Variants in IQCM observed in about 807,000 individuals in gnomAD.
IQCM encodes the protein IQ motif containing M, also known as IQ domain-containing protein M.
A neutral mutation model predicts 57.6 loss-of-function variants in IQCM; 45 were observed. That is an observed-to-expected ratio of 0.78 (90% CI 0.62 to 1.00). The LOEUF is 1.00. IQCM is among the 50% of genes least tolerant of loss of function. IQCM has a pLI of 0.00. For synonymous variants in IQCM, 148 were observed against 158.9 expected (o/e 0.93, Z 0.51); for missense variants, 468 against 511.6 (o/e 0.91, Z 0.82).
intron 12 of IQCM, among the ~76,000 whole-genome samples, chr4:149,501,944 A>C (rs1315167594): frequency 6.6e-6 from 1 of 152,118 alleles, no homozygotes. Flanking sequence ...ATTAAGAAGA[A>C]AATTCTCTAT....
intron 5 of IQCM, among the ~76,000 whole-genome samples, chr4:149,706,650 A>G (rs751283045): frequency 6.6e-6 from 1 of 152,028 alleles, no homozygotes; most frequent in Non-Finnish European, 1.5e-5. Flanking sequence ...GAGAACATAT[A>G]ATGTGAAGGT....
intron 2 of IQCM, among the ~76,000 whole-genome samples, chr4:149,761,298 A>C (rs182241019): frequency 3.0e-4 from 46 of 152,198 alleles, no homozygotes; most frequent in Admixed American, 2.8e-3. Flanking sequence ...AATAATAAAT[A>C]ATCCAAAGCC....
At chr4:149,558,968 C>T (rs1239501295) in intron 10 of IQCM, among the ~76,000 whole-genome samples, 1 of 152,160 alleles carries the variant, frequency 6.6e-6, no homozygotes, top group Non-Finnish European at 1.5e-5. Flanking sequence ...GAAAATTGGA[C>T]TCTACCTTCG....
At chr4:149,587,708 A>C (rs943717730) in intron 9 of IQCM, among the ~76,000 whole-genome samples, 5 of 151,832 alleles carry the variant, frequency 3.3e-5, no homozygotes, top group African/African-American at 9.7e-5. Flanking sequence ...GAAAAGTAAA[A>C]CTTCAGCTGG....
At chr4:149,520,122 A>G (rs533379547) in intron 12 of IQCM, among the ~76,000 whole-genome samples, 26 of 152,100 alleles carry the variant, frequency 1.7e-4, no homozygotes, top group Non-Finnish European at 3.4e-4. Context: ...AATGGTTAAC[A>G]TTTTAAAGTG....
At chr4:149,586,566 AATTTG>A (rs1446884451) in intron 9 of IQCM, among the ~76,000 whole-genome samples, 2 of 151,496 alleles carry the variant, frequency 1.3e-5, no homozygotes, top group Non-Finnish European at 3.0e-5. Flanking sequence ...GTGCTTTGTT[AATTTG>A]ATTTATTGTT....
At chr4:149,448,600 CAA>C (rs1236569290) in intron 12 of IQCM, among the ~76,000 whole-genome samples, 1 of 150,850 alleles carries the variant, frequency 6.6e-6, no homozygotes, top group Non-Finnish European at 1.5e-5. Context: ...AAATTTTAGC[CAA>C]AAAAAGAAGA....
rs181814613 is a variant in IQCM at position 149,647,521 on chromosome 4, C to T, written c.566-26277G>A. ...CATAGTAAGGTTATTATTCCACTAT[C>T]TTCAGGCTTTCATTATCACTGTTGA... On this transcript the variant is annotated intron_variant, in intron 7 of 13. Coordinates refer to ENST00000636793, the MANE Select transcript of IQCM (RefSeq NM_001363507.2). Among the ~76,000 whole-genome samples the T allele has an allele frequency of 2.1e-3, 321 of 152,162 alleles. 3 individuals are homozygous for T. Among genetic ancestry groups the T allele is most frequent in the Non-Finnish European group, 4.0e-3 (270 of 67,966 alleles).
intron 13 of IQCM, among the ~76,000 whole-genome samples, chr4:149,399,409 C>G (rs1288519736): frequency 6.6e-6 from 1 of 151,388 alleles, no homozygotes; most frequent in East Asian, 2.0e-4. Context: ...AAGAGAGACA[C>G]AAGGCCAGGA....
chr4:149,542,275 T>C (rs978465193), intron 12 of IQCM, among the ~76,000 whole-genome samples: 23 of 152,108 alleles, frequency 1.5e-4, no homozygotes, highest in Non-Finnish European at 2.9e-4. Flanking sequence ...TTGAAAATTT[T>C]AGTTTAAATA....
chr4:149,466,757 G>A (rs912691567), intron 12 of IQCM, among the ~76,000 whole-genome samples: 5 of 152,242 alleles, frequency 3.3e-5, no homozygotes, highest in Middle Eastern at 3.4e-3. Flanking sequence ...CCTTGGATTG[G>A]CTAATTTAAA....
At chr4:149,578,418 C>G (rs959576219) in intron 9 of IQCM, among the ~76,000 whole-genome samples, 8 of 151,664 alleles carry the variant, frequency 5.3e-5, no homozygotes, top group African/African-American at 1.7e-4. Flanking sequence ...ATGCCAAAGG[C>G]GTGATGAGGG....
At chr4:149,805,302 C>A (rs1180780888) in intron 2 of IQCM, among the ~76,000 whole-genome samples, 1 of 151,610 alleles carries the variant, frequency 6.6e-6, no homozygotes, top group African/African-American at 2.4e-5. Flanking sequence ...TAAATAAATC[C>A]TTTATTGGGA....
At chr4:149,361,458 C>G (rs150125429) in intron 13 of IQCM, among the ~76,000 whole-genome samples, 2 of 152,078 alleles carry the variant, frequency 1.3e-5, no homozygotes, top group Non-Finnish European at 2.9e-5. Context: ...CCTGGAGGCC[C>G]AGGAGGAAAA....
At chr4:149,791,658 A>G (rs1198778878) in intron 2 of IQCM, among the ~76,000 whole-genome samples, 1 of 152,076 alleles carries the variant, frequency 6.6e-6, no homozygotes, top group Non-Finnish European at 1.5e-5. Context: ...TGCATTCTGC[A>G]TGTATGCTAT....
intron 12 of IQCM, among the ~76,000 whole-genome samples, chr4:149,480,595 T>C (rs939359847): frequency 3.3e-5 from 5 of 152,204 alleles, no homozygotes; most frequent in Non-Finnish European, 7.4e-5. Flanking sequence ...AGGATCTCAT[T>C]CTTTCTTATA....
intron 9 of IQCM, among the ~76,000 whole-genome samples, chr4:149,565,802 A>C (rs1750572061): frequency 6.6e-6 from 1 of 152,170 alleles, no homozygotes; most frequent in Admixed American, 6.6e-5. Context: ...TAAATGAAAA[A>C]AAAGTCATTT....
intron 2 of IQCM, among the ~76,000 whole-genome samples, chr4:149,813,258 T>G (rs1214490696): frequency 1.3e-5 from 2 of 152,148 alleles, no homozygotes; most frequent in Non-Finnish European, 2.9e-5. Flanking sequence ...TGAAAGAGGT[T>G]GTCAGTTTCC....
chr4:149,462,382 C>T (rs1048206568), intron 12 of IQCM, among the ~76,000 whole-genome samples: 5 of 152,136 alleles, frequency 3.3e-5, no homozygotes, highest in Non-Finnish European at 7.4e-5. Flanking sequence ...AATAACTACA[C>T]AGAATGGAAG....
Sources: allele counts gnomAD v4.1 joint callset (sites outside exome capture counted in the v4.1 genomes callset), GRCh38; gene constraint gnomAD v4.1.1; transcripts MANE v1.5; gene names NCBI Gene and HGNC (gene_info 2026-07-23, HGNC 2026-07-21).